EYS: variants seen among roughly 807,000 people sequenced by gnomAD.
The protein encoded by EYS is EGF-like photoreceptor maintenance factor.
EYS carries 250 observed loss-of-function variants against 282.1 expected under a neutral mutation model. That is an observed-to-expected ratio of 0.89 (90% CI 0.80 to 0.98). The LOEUF (loss-of-function observed/expected upper bound fraction) is 0.98, where lower values mean the gene tolerates loss of function less well. Among genes scored for constraint, EYS ranks in the 50% least tolerant of loss-of-function variants. The probability of loss-of-function intolerance (pLI) is 0.00; values close to 1 mark genes in which losing one functional copy is unlikely to be tolerated. For synonymous variants in EYS, 1,355 were observed against 1,282.9 expected (o/e 1.06, Z -1.20); for missense variants, 4,016 against 3,709.0 (o/e 1.08, Z -2.15).
At chr6:64,764,581 C>T (rs545146283) in intron 22 of EYS, among the ~76,000 whole-genome samples, 1 of 152,338 alleles carries the variant, frequency 6.6e-6, no homozygotes, top group East Asian at 1.9e-4. Flanking sequence ...TGGAGGCATT[C>T]TCCCTATTGT....
At chr6:64,817,909 C>T (rs372430311) in intron 21 of EYS, among the ~76,000 whole-genome samples, 1 of 151,990 alleles carries the variant, frequency 6.6e-6, no homozygotes, top group East Asian at 1.9e-4. Context: ...TTAATTCTTT[C>T]CTTTTTATTT....
chr6:65,514,451 T>C (rs1767037921), intron 2 of EYS, among the ~76,000 whole-genome samples: 1 of 152,160 alleles, frequency 6.6e-6, no homozygotes, highest in Non-Finnish European at 1.5e-5. Context: ...TTAAAGTTCA[T>C]ATGGAACCAA....
intron 31 of EYS, among the ~76,000 whole-genome samples, chr6:64,134,246 A>C (rs1418103983): frequency 6.6e-6 from 1 of 152,032 alleles, no homozygotes; most frequent in Admixed American, 6.6e-5. Flanking sequence ...CTATTTTTAT[A>C]ATAATATAGA....
At chr6:64,391,693 A>C (rs368967035) in intron 28 of EYS, among the ~76,000 whole-genome samples, 1 of 152,062 alleles carries the variant, frequency 6.6e-6, no homozygotes. Context: ...AAAGACCATC[A>C]AGACTAGGAA....
intron 2 of EYS, among the ~76,000 whole-genome samples, chr6:65,549,063 G>A (rs1768503150): frequency 6.6e-6 from 1 of 152,070 alleles, no homozygotes. Flanking sequence ...ATGCGCCCCT[G>A]ACCTGACAGG....
At chr6:65,407,369 C>T (rs1255206619) in intron 5 of EYS, among the ~76,000 whole-genome samples, 1 of 152,056 alleles carries the variant, frequency 6.6e-6, no homozygotes, top group Non-Finnish European at 1.5e-5. Context: ...GATTCTCCTG[C>T]CTCAACCTCC....
At chr6:64,189,471 G>A (rs546728233) in intron 31 of EYS, among the ~76,000 whole-genome samples, 2 of 152,198 alleles carry the variant, frequency 1.3e-5, no homozygotes, top group Non-Finnish European at 2.9e-5. Context: ...ATTGCCCATG[G>A]CTGCTTGACA....
At chr6:64,996,564 G>A (rs1771270866) in intron 14 of EYS, among the ~76,000 whole-genome samples, 1 of 152,284 alleles carries the variant, frequency 6.6e-6, no homozygotes, top group South Asian at 2.1e-4. Flanking sequence ...CTTAGATAAA[G>A]CATGAGACAT....
intron 26 of EYS, among the ~76,000 whole-genome samples, chr6:64,511,043 G>C (rs1777374711): frequency 2.0e-5 from 3 of 151,672 alleles, no homozygotes; most frequent in Admixed American, 1.3e-4. Context: ...AGCAAAGATG[G>C]GAGAAATTGG....
chr6:64,653,162 A>G (rs1768624636), intron 22 of EYS, among the ~76,000 whole-genome samples: 2 of 152,168 alleles, frequency 1.3e-5, no homozygotes, highest in Admixed American at 6.5e-5. Context: ...CTATCTGGAC[A>G]CAGGGAGACC....
chr6:64,513,817 T>C (rs978279441), intron 26 of EYS, among the ~76,000 whole-genome samples: 2 of 151,826 alleles, frequency 1.3e-5, no homozygotes, highest in Non-Finnish European at 2.9e-5. Context: ...ATTATAATTG[T>C]CAATGGCGGC....
chr6:63,946,649 A>G (rs1293915814), intron 35 of EYS, among the ~76,000 whole-genome samples: 2 of 152,162 alleles, frequency 1.3e-5, no homozygotes, highest in African/African-American at 4.8e-5. Flanking sequence ...TCTCAGTTAC[A>G]TAGTAAACAG....
At chr6:65,252,308 G>A (rs1304684949) in intron 12 of EYS, among the ~76,000 whole-genome samples, 3 of 151,870 alleles carry the variant, frequency 2.0e-5, no homozygotes. Context: ...CAAAGACAAA[G>A]AAAATATAGT....
intron 40 of EYS, among the ~76,000 whole-genome samples, chr6:63,763,991 C>T (rs1046381084): frequency 6.6e-6 from 1 of 150,752 alleles, no homozygotes; most frequent in Admixed American, 6.6e-5. Context: ...GCCTTTCTCC[C>T]TTTCTCCCTT....
rs529844507 is a variant in EYS at position 65,392,720 on chromosome 6, G to C, written c.1185-8220C>G. ...GAAATAGGAACACTTTTACACTGTT[G>C]GTGGGACTGTAAACTAGTTCAACCA... On this transcript the variant is annotated intron_variant, in intron 7 of 42. Transcript: ENST00000503581. Among the ~76,000 whole-genome samples, 151 of 151,896 alleles carry C rather than the reference G, an allele frequency of 9.9e-4. 1 individual carries two copies. Among genetic ancestry groups the C allele is most frequent in the African/African-American group, 3.5e-3 (147 of 41,508 alleles).
intron 12 of EYS, among the ~76,000 whole-genome samples, chr6:65,179,952 A>C (rs962643737): frequency 5.9e-5 from 9 of 152,132 alleles, no homozygotes; most frequent in Non-Finnish European, 1.2e-4. Flanking sequence ...CCAAAGACAA[A>C]AACCGTATGA....
chr6:64,210,746 G>A (rs550747865), intron 31 of EYS, among the ~76,000 whole-genome samples: 12 of 152,190 alleles, frequency 7.9e-5, no homozygotes, highest in Non-Finnish European at 1.8e-4. Context: ...GTTATTTCTG[G>A]GTGTGTCTGT....
intron 2 of EYS, among the ~76,000 whole-genome samples, chr6:65,568,137 T>G (rs1200128308): frequency 6.6e-6 from 1 of 152,126 alleles, no homozygotes; most frequent in Non-Finnish European, 1.5e-5. Flanking sequence ...CTCTGAGGAT[T>G]ATTTAAATCC....
chr6:64,895,361 A>C (rs1337863334), intron 18 of EYS, among the ~76,000 whole-genome samples: 1 of 152,190 alleles, frequency 6.6e-6, no homozygotes, highest in Non-Finnish European at 1.5e-5. Flanking sequence ...ATGTCTTTTT[A>C]AAGATATTTT....
Sources: allele counts gnomAD v4.1 joint callset (sites outside exome capture counted in the v4.1 genomes callset), GRCh38; gene constraint gnomAD v4.1.1; transcripts MANE v1.5; gene names NCBI Gene and HGNC (gene_info 2026-07-23, HGNC 2026-07-21).